PPIL2: variants seen among roughly 807,000 people sequenced by gnomAD.
The protein encoded by PPIL2 is RING-type E3 ubiquitin-protein ligase PPIL2.
PPIL2 carries 50 observed loss-of-function variants against 75.2 expected under a neutral mutation model. The observed-to-expected ratio is 0.66, with a 90% CI of 0.53 to 0.84. PPIL2 has a LOEUF of 0.84. Among genes scored for constraint, PPIL2 ranks in the 40% least tolerant of loss-of-function variants. The pLI, the probability that PPIL2 is intolerant of heterozygous loss-of-function variation, is 0.00. For synonymous variants in PPIL2, 245 were observed against 258.8 expected (o/e 0.95, Z 0.51); for missense variants, 590 against 685.0 (o/e 0.86, Z 1.55).
intron 15 of PPIL2, among the ~76,000 whole-genome samples, chr22:21,692,429 C>T (rs762183371): frequency 1.1e-4 from 17 of 151,794 alleles, no homozygotes; most frequent in East Asian, 2.0e-4. Flanking sequence ...GCTGGGATTA[C>T]AGGCGTGAGC....
intron 7 of PPIL2, 149 bp from the exon 8 acceptor site, chr22:21,682,288 A>G: frequency 1.5e-6 from 1 of 662,568 alleles, no homozygotes; most frequent in Non-Finnish European, 2.6e-6. Context: ...CACTGCTTTC[A>G]GCCAGTGGGG....
chr22:21,669,062 A>G lies in PPIL2; in HGVS notation c.33-851A>G, dbSNP rs191236904. On this transcript the variant is annotated intron_variant, in intron 1 of 19. Coordinates refer to ENST00000398831, the MANE Select transcript of PPIL2 (RefSeq NM_014337.4). ...AGACTGGTTTCACCGTGTTAGCCAG[A>G]ATGGTCTCCATCTCCTGACCTCGTG... is the stretch of plus-strand genomic sequence containing the variant. 4.2e-3 allele frequency among the ~76,000 whole-genome samples: 578 copies of G among 138,696 alleles called. 3 individuals carry two copies. Among genetic ancestry groups the G allele is most frequent in the Admixed American group, 6.3e-3 (88 of 13,876 alleles). 91.0% of individuals were successfully genotyped at this position (138,696 alleles called of 152,430 possible).
At chr22:21,679,975 A>T (rs2034572) in intron 6 of PPIL2, among the ~76,000 whole-genome samples, 45,863 of 151,728 alleles carry the variant, frequency 0.3, 7,197 homozygotes, top group Non-Finnish European at 0.35. Flanking sequence ...TGTAGGTCCC[A>T]GCTACTCAGG....
At chr22:21,684,367 G>T (rs935653253) in intron 9 of PPIL2, among the ~76,000 whole-genome samples, 18 of 146,160 alleles carry the variant, frequency 1.2e-4, no homozygotes, top group Admixed American at 5.6e-4. Context: ...CAGGAGAATG[G>T]CGTGAACCTG....
chr22:21,687,055 C>A, intron 12 of PPIL2, 57 bp downstream of exon 12: 1 of 1,483,180 alleles, frequency 6.7e-7, no homozygotes, highest in Non-Finnish European at 9.4e-7. Context: ...GGTCATCTGA[C>A]AGCCATGTCT....
At chr22:21,672,202 C>A in intron 4 of PPIL2, 128 bp from the exon 5 acceptor site, 1 of 712,642 alleles carries the variant, frequency 1.4e-6, no homozygotes, top group Non-Finnish European at 2.5e-6. Flanking sequence ...GGAGCTCTTC[C>A]TCTCCTAAAG....
rs71318714 is a variant in PPIL2, at chr22:21,676,309, T to TTTTG, written c.295+1195_295+1196insTTGT. Among the ~76,000 whole-genome samples the TTTTG allele has an allele frequency of 8.9e-5, 11 of 123,064 alleles. No individual in the cohort carries two copies. The East Asian group carries it at 1.3e-3, about 14-fold the overall frequency. The allele number at this position is 123,064 out of a possible 152,430, so 80.7% of individuals were successfully genotyped here. A position where few individuals can be genotyped will look rare whatever the true frequency, so the allele number is the denominator to read the frequency against. ...TTCAGCAAATATTTATTTATTTATTTTGTGTGTGTGTGTGTGTGTGTGTGT... is the reference window on the plus strand; with the variant it reads ...TTCAGCAAATATTTATTTATTTATTTTTTGTGTGTGTGTGTGTGTGTGTGTGTGT... On this transcript the variant is annotated intron_variant, in intron 6 of 19. Transcript: ENST00000398831.
At chr22:21,669,333 G>A (rs772597712) in intron 1 of PPIL2, 1 of 451,140 alleles carries the variant, frequency 2.2e-6, no homozygotes, top group Non-Finnish European at 4.5e-6. Context: ...TTTTCTTGTA[G>A]AGACAGATTC....
At chr22:21,669,852 C>G (rs1355170848) in intron 1 of PPIL2, 61 bp from the exon 2 acceptor site, 39 of 1,528,426 alleles carry the variant, frequency 2.6e-5, no homozygotes, top group Non-Finnish European at 3.4e-5. Flanking sequence ...TACTCACTTC[C>G]AAAGACTTCG....
At chr22:21,682,322 C>A in intron 7 of PPIL2, 115 bp from the exon 8 acceptor site, 1 of 847,942 alleles carries the variant, frequency 1.2e-6, no homozygotes, top group Non-Finnish European at 2.0e-6. Flanking sequence ...CTCTCTCATT[C>A]CTCATGCCTC....
Position 21,690,782 on chromosome 22 carries a change from A to G in PPIL2, c.1139+1933A>G, listed in dbSNP as rs62235100. 7.8e-4 allele frequency among the ~76,000 whole-genome samples: 119 copies of G among 151,608 alleles called. 1 individual carries two copies. Among genetic ancestry groups the G allele is most frequent in the Non-Finnish European group, 1.5e-3 (104 of 67,934 alleles). The stretch of plus-strand genomic sequence containing the variant: ...GCTGGTTGTTGGTAGCTTCCCTTTC[A>G]ATTTCTTCTCAGCCAAGGATTGCCT... On this transcript the variant is annotated intron_variant, in intron 15 of 19. Coordinates refer to ENST00000398831, the MANE Select transcript of PPIL2 (RefSeq NM_014337.4).
At chr22:21,685,144 C>T (rs1312969423) in intron 10 of PPIL2, among the ~76,000 whole-genome samples, 1 of 152,190 alleles carries the variant, frequency 6.6e-6, no homozygotes, top group African/African-American at 2.4e-5. Flanking sequence ...CTGATGTCCA[C>T]ACTGGTCGTT....
downstream of PPIL2, chr22:21,699,980 C>T (rs969718528): frequency 2.0e-5 from 3 of 152,372 alleles, no homozygotes; most frequent in Admixed American, 2.0e-4. Flanking sequence ...GATAAGGAAT[C>T]TACTGGCTTA....
downstream of PPIL2, chr22:21,699,320 T>TA (rs2068040063): frequency 1.3e-5 from 2 of 152,678 alleles, no homozygotes; most frequent in South Asian, 4.1e-4. Context: ...AGTGCTCTCC[T>TA]ATCTGCTGCC....
chr22:21,666,036 C>T lies in PPIL2; in HGVS notation c.-64C>T. The T allele has an allele frequency of 6.3e-7, 1 of 1,577,692 alleles. No homozygotes were observed. The highest frequency in any genetic ancestry group is 8.6e-7 in the Non-Finnish European group (1 of 1,157,164). On this transcript the variant is annotated 5_prime_UTR_variant, in exon 1 of 20. Transcript: ENST00000398831. ...AAGTGGTCACGGAACTCGGCTGCGG[C>T]TCCATGGTCTGAGTTGTCAGCCGTT...
chr22:21,679,291 G>A (rs2067006721), intron 6 of PPIL2, among the ~76,000 whole-genome samples: 2 of 151,462 alleles, frequency 1.3e-5, no homozygotes, highest in Admixed American at 6.6e-5. Flanking sequence ...ATCCTCCCGC[G>A]TCAGCATCCC....
At chr22:21,688,041 T>C in intron 13 of PPIL2, 32 bp from the exon 14 acceptor site, 1 of 1,613,972 alleles carries the variant, frequency 6.2e-7, no homozygotes, top group South Asian at 1.1e-5. Flanking sequence ...GGTCTCAGAG[T>C]GTGACTTGCT....
chr22:21,692,397 G>C (rs144576196), intron 15 of PPIL2, among the ~76,000 whole-genome samples: 9 of 149,172 alleles, frequency 6.0e-5, no homozygotes, highest in Non-Finnish European at 1.0e-4. Flanking sequence ...CTTGTGATCC[G>C]CCCACCTTGG....
downstream of PPIL2, chr22:21,699,924 G>A (rs1011809641): frequency 2.0e-5 from 3 of 152,358 alleles, no homozygotes; most frequent in Non-Finnish European, 2.9e-5. Context: ...GCACCTCTGC[G>A]GGCCCCGGGA....
Sources: allele counts gnomAD v4.1 joint callset (sites outside exome capture counted in the v4.1 genomes callset), GRCh38; gene constraint gnomAD v4.1.1; transcripts MANE v1.5; gene names NCBI Gene and HGNC (gene_info 2026-07-23, HGNC 2026-07-21).